GK5: variants seen among roughly 807,000 people sequenced by gnomAD.
The protein encoded by GK5 is ATP:glycerol 3-phosphotransferase 5.
GK5 carries 39 observed loss-of-function variants against 77.3 expected under a neutral mutation model. The observed-to-expected ratio is 0.50, with a 90% CI of 0.39 to 0.66. The LOEUF (loss-of-function observed/expected upper bound fraction) is 0.66, where lower values mean the gene tolerates loss of function less well. GK5 is among the 30% of genes least tolerant of loss of function. The probability of loss-of-function intolerance (pLI) is 0.00; values close to 1 mark genes in which losing one functional copy is unlikely to be tolerated. For missense variants in GK5, 487 were observed against 633.8 expected, an observed-to-expected ratio of 0.77 and a Z score of 2.49; for synonymous variants, 211 against 208.0, an observed-to-expected ratio of 1.01 and a Z score of -0.13.
At chr3:142,206,238 T>C (rs2064104829) in intron 3 of GK5, among the ~76,000 whole-genome samples, 1 of 152,232 alleles carries the variant, frequency 6.6e-6, no homozygotes, top group South Asian at 2.1e-4. Flanking sequence ...GTGAAGTATC[T>C]GTTTGAGTCT....
intron 4 of GK5, among the ~76,000 whole-genome samples, chr3:142,199,842 T>C (rs923641266): frequency 1.3e-5 from 2 of 151,848 alleles, no homozygotes; most frequent in Non-Finnish European, 2.9e-5. Context: ...AAACTGATGT[T>C]TTACAAAACA....
intron 4 of GK5, among the ~76,000 whole-genome samples, chr3:142,199,773 A>G (rs559695773): frequency 4.0e-5 from 6 of 151,610 alleles, no homozygotes; most frequent in Non-Finnish European, 5.9e-5. Context: ...ACTAGGAAAA[A>G]AAAAAAAACC....
At position 142,165,432 on chromosome 3, in the gene GK5, C is replaced by T; in HGVS notation, c.*190G>A. On this transcript the variant is annotated 3_prime_UTR_variant, in exon 16 of 16. Coordinates refer to ENST00000392993, the MANE Select transcript of GK5 (RefSeq NM_001039547.3). ...AAGTTTTGAGGTATTGCTGCCTTAC[C>T]ATGGTTTAGGGGAAAAAAATAAGAG... 1 of 442,178 alleles carries T rather than the reference C, an allele frequency of 2.3e-6. No individual in the cohort carries two copies. The highest frequency in any genetic ancestry group is 3.9e-6 in the Non-Finnish European group (1 of 254,098). The allele number at this position is 442,178 out of a possible 1,614,324, so 27.4% of individuals were successfully genotyped here. A position where few individuals can be genotyped will look rare whatever the true frequency, so the allele number is the denominator to read the frequency against.
intron 1 of GK5, among the ~76,000 whole-genome samples, chr3:142,217,769 T>C (rs770310065): frequency 2.6e-4 from 40 of 152,096 alleles, no homozygotes; most frequent in Non-Finnish European, 4.6e-4. Context: ...ACATTTCACA[T>C]ATACAGAACA....
intron 13 of GK5, 120 bp downstream of exon 13, chr3:142,172,233 A>G: frequency 1.9e-6 from 1 of 533,072 alleles, no homozygotes; most frequent in Non-Finnish European, 3.4e-6. Flanking sequence ...TATAGTATCA[A>G]ATAAGCCAAA....
At chr3:142,183,712 G>A (rs545527032) in intron 9 of GK5, among the ~76,000 whole-genome samples, 21 of 151,824 alleles carry the variant, frequency 1.4e-4, no homozygotes, top group African/African-American at 3.4e-4. Flanking sequence ...CACCTGCCCC[G>A]GCCTCCCAAA....
chr3:142,213,483 G>T, intron 3 of GK5, 43 bp downstream of exon 3: 2 of 1,102,968 alleles, frequency 1.8e-6, no homozygotes, highest in Non-Finnish European at 2.8e-6. Flanking sequence ...ACTCACTGTG[G>T]CATGAACCCA....
At chr3:142,204,894 G>T in intron 3 of GK5, 106 bp from the exon 4 acceptor site, 2 of 635,970 alleles carry the variant, frequency 3.1e-6, no homozygotes, top group Non-Finnish European at 5.7e-6. Context: ...TAATTGCAAA[G>T]TATAATTTAG....
At chr3:142,202,882 G>A (rs1007931763) in intron 4 of GK5, among the ~76,000 whole-genome samples, 2 of 152,096 alleles carry the variant, frequency 1.3e-5, no homozygotes, top group East Asian at 1.9e-4. Context: ...GCTTGAACTC[G>A]GGAGGTGGAG....
chr3:142,178,777 C>T (rs2063655492), intron 11 of GK5, among the ~76,000 whole-genome samples: 1 of 152,108 alleles, frequency 6.6e-6, no homozygotes, highest in South Asian at 2.1e-4. Flanking sequence ...TGTTTATTAA[C>T]ACAAAGGAAT....
In GK5 at chr3:142,216,584, G is replaced by A. The variant is rs116095238; in HGVS notation, c.148-892C>T. ...TGCCTAACCCCAGACATACCCAGCCGAGTGGAGTAATAAAAGCCCCAGCTT... is the reference window on the plus strand; with the variant it reads ...TGCCTAACCCCAGACATACCCAGCCAAGTGGAGTAATAAAAGCCCCAGCTT... On this transcript the variant is annotated intron_variant, in intron 1 of 15. Coordinates refer to ENST00000392993, the MANE Select transcript of GK5 (RefSeq NM_001039547.3). 1.2e-3 allele frequency among the ~76,000 whole-genome samples: 176 copies of A among 152,122 alleles called. 5 individuals are homozygous for A. Among genetic ancestry groups the A allele is most frequent in the African/African-American group, 4.0e-3 (167 of 41,518 alleles).
intron 15 of GK5, chr3:142,170,045 C>A (rs1317799330): frequency 2.1e-6 from 1 of 479,410 alleles, no homozygotes; most frequent in Non-Finnish European, 3.8e-6. Context: ...AAAGTTTACC[C>A]AGAGACTGTC....
In GK5 at chr3:142,185,945, A is replaced by T. The variant is rs1225764955; in HGVS notation, c.800T>A (p.Ile267Lys). The stretch of plus-strand genomic sequence containing the variant: ...CCTACTTACCAAGGCAACTATTGGT[A>T]TAGGCACACCAAATATCTCTTCATC... ...SVDEEIFGVP[I>K]PIVALVADQQ... Residue 267 changes from isoleucine to lysine, a missense_variant, in exon 9 of 16, where the codon ATA (isoleucine) becomes AAA (lysine). Coordinates refer to ENST00000392993, the MANE Select transcript of GK5 (RefSeq NM_001039547.3). The T allele has an allele frequency of 6.2e-7, 1 of 1,609,762 alleles. No homozygotes were observed. The highest frequency in any genetic ancestry group is 8.5e-7 in the Non-Finnish European group (1 of 1,177,808).
At chr3:142,213,689 T>C (rs11926898) in intron 2 of GK5, 88 bp from the exon 3 acceptor site, 120,089 of 834,180 alleles carry the variant, frequency 0.14, 9,693 homozygotes, top group Admixed American at 0.24. Flanking sequence ...AAATCCAATA[T>C]AATCTTTAAG....
chr3:142,165,531 T>C lies in GK5; in HGVS notation c.*91A>G, dbSNP rs1244063269. The C allele has an allele frequency of 1.1e-6, 1 of 885,422 alleles. No individual in the cohort carries two copies. Among genetic ancestry groups the C allele is most frequent in the Non-Finnish European group, 1.6e-6 (1 of 617,360 alleles). The allele number at this position is 885,422 out of a possible 1,614,324, so 54.8% of individuals were successfully genotyped here. The stretch of plus-strand genomic sequence containing the variant: ...AAGCTTATTTAAAATTTTCTCCTCT[T>C]AGTCATTGTCATATGGGTTATCCCT... On this transcript the variant is annotated 3_prime_UTR_variant, in exon 16 of 16. Coordinates refer to ENST00000392993, the MANE Select transcript of GK5 (RefSeq NM_001039547.3).
intron 3 of GK5, among the ~76,000 whole-genome samples, chr3:142,210,854 T>C (rs2064180322): frequency 6.6e-6 from 1 of 152,246 alleles, no homozygotes; most frequent in African/African-American, 2.4e-5. Context: ...CAGGTCCTGA[T>C]GAAAGCAATC....
At chr3:142,181,207 G>A (rs2063692867) in intron 11 of GK5, among the ~76,000 whole-genome samples, 1 of 152,072 alleles carries the variant, frequency 6.6e-6, no homozygotes, top group East Asian at 1.9e-4. Flanking sequence ...TTTGCTTATG[G>A]CATATCTCTC....
chr3:142,196,132 G>A (rs964281630), intron 5 of GK5, among the ~76,000 whole-genome samples: 3 of 152,028 alleles, frequency 2.0e-5, no homozygotes, highest in Non-Finnish European at 4.4e-5. Flanking sequence ...TCATGGTATT[G>A]CCTATTAATC....
intron 11 of GK5, among the ~76,000 whole-genome samples, chr3:142,178,015 C>T (rs574372375): frequency 1.3e-5 from 2 of 152,028 alleles, no homozygotes; most frequent in South Asian, 2.1e-4. Context: ...TGTGCCACCA[C>T]GCCCAGCTAA....
Sources: allele counts gnomAD v4.1 joint callset (sites outside exome capture counted in the v4.1 genomes callset), GRCh38; gene constraint gnomAD v4.1.1; transcripts MANE v1.5; gene names NCBI Gene and HGNC (gene_info 2026-07-23, HGNC 2026-07-21).